PNPLA6: variants seen among roughly 807,000 people sequenced by gnomAD.
The protein encoded by PNPLA6 is patatin-like phospholipase domain-containing protein 6.
Under a neutral mutation model 153.7 loss-of-function variants are expected in PNPLA6, and 105 were observed. The ratio of observed to expected loss-of-function variants is 0.68; its 90% CI spans 0.58 to 0.80. The LOEUF (loss-of-function observed/expected upper bound fraction) is 0.80. Among genes scored for constraint, PNPLA6 ranks in the 30% least tolerant of loss-of-function variants. The probability of loss-of-function intolerance (pLI) is 0.00; values close to 1 mark genes in which losing one functional copy is unlikely to be tolerated. For synonymous variants in PNPLA6, 825 were observed against 822.2 expected (o/e 1.00, Z -0.06); for missense variants, 1,423 against 1,919.3 (o/e 0.74, Z 4.83).
chr19:7,541,208 C>A lies in PNPLA6; in HGVS notation c.925-146C>A. On this transcript the variant is annotated intron_variant, in intron 7 of 31. Transcript: ENST00000600737. The surrounding 1 kb of genome is among the most constrained non-coding windows in gnomAD (Gnocchi z 5.2). ...GATGTCTGCAGCCGCGGACTCCTCC[C>A]TTAGCTGCCTCGCCCCATTTCCCCA... 1.8e-6 allele frequency: 2 copies of A among 1,097,898 alleles called. No homozygotes were observed. The highest frequency in any genetic ancestry group is 2.7e-5 in the South Asian group (2 of 74,730). 68.0% of individuals were successfully genotyped at this position (1,097,898 alleles called of 1,614,324 possible). A position where few individuals can be genotyped will look rare whatever the true frequency, so the allele number is the denominator to read the frequency against.
intron 16 of PNPLA6, 128 bp downstream of exon 16, chr19:7,550,768 C>A: frequency 8.0e-7 from 1 of 1,242,760 alleles, no homozygotes; most frequent in Non-Finnish European, 1.1e-6. Context: ...TCACCCAGTC[C>A]ACTCCCCGCC....
Position 7,555,453 on chromosome 19 carries a change from G to T in PNPLA6, c.2936+86G>T, listed in dbSNP as rs931555539. On this transcript the variant is annotated intron_variant, in intron 23 of 31. Coordinates refer to ENST00000600737, the MANE Select transcript of PNPLA6 (RefSeq NM_001166114.2). This position sits in a 1 kb window ranked among gnomAD's most constrained non-coding sequence, Gnocchi z 6.3. ...GGAGAAACCGTGGGGGCGGGGCCTG[G>T]GTGTTCGAGGGTGGAGCTTCCCCTC... 3 of 1,322,342 alleles carry T rather than the reference G, an allele frequency of 2.3e-6. No homozygotes were observed. Among genetic ancestry groups the T allele is most frequent in the Non-Finnish European group, 3.1e-6 (3 of 953,146 alleles). 81.9% of individuals were successfully genotyped at this position (1,322,342 alleles called of 1,614,324 possible).
chr19:7,547,133 G>C (rs489146), intron 13 of PNPLA6, among the ~76,000 whole-genome samples: 5,243 of 152,254 alleles, frequency 0.034, 109 homozygotes, highest in Middle Eastern at 0.12. Context: ...TTGAACTCCT[G>C]ACCTCAAGTG....
rs1394275867 is a variant in PNPLA6 at position 7,549,893 on chromosome 19, C to T, written c.1609-14C>T. On this transcript the variant is annotated splice_polypyrimidine_tract_variant and intron_variant, in intron 13 of 31. Transcript: ENST00000600737. Reference sequence around the variant, plus strand: ...GTCCGGGTTCTGTGTTCATCACATCCCCTGCCCGCACAGGACGTGAGCCTG... The same window carrying T: ...GTCCGGGTTCTGTGTTCATCACATCTCCTGCCCGCACAGGACGTGAGCCTG... 6.2e-7 allele frequency: 1 copy of T among 1,612,766 alleles called. No individual in the cohort carries two copies. Among genetic ancestry groups the T allele is most frequent in the Middle Eastern group, 1.7e-4 (1 of 6,060 alleles).
In PNPLA6 at chr19:7,536,472, C is replaced by T. The variant is rs373868558; in HGVS notation, c.339C>T (p.Leu113=). Reference sequence around the variant, plus strand: ...AGGTGTCACAATCCACCTCCTCCCTCGTGGATACCTCTGTCTCCGCCACCT... The same window carrying T: ...AGGTGTCACAATCCACCTCCTCCCTTGTGGATACCTCTGTCTCCGCCACCT... ...MRKVSQSTSS[L]VDTSVSATSR... The change falls in exon 3 of 32, where the codon CTC becomes CTT. Residue 113 remains leucine (L), a synonymous_variant. Transcript: ENST00000600737. 1.1e-5 allele frequency: 17 copies of T among 1,613,068 alleles called. No individual in the cohort carries two copies. The highest frequency in any genetic ancestry group is 1.4e-5 in the Non-Finnish European group (16 of 1,178,978).
In PNPLA6 at chr19:7,555,888, C is replaced by A; in HGVS notation, c.3093+125C>A. ...GACCCTTCCTGATTAAATCTATGAT[C>A]CCCAGCTGTCCGGACTTTTATAGAT... On this transcript the variant is annotated intron_variant, in intron 24 of 31. Transcript: ENST00000600737. This position sits in a 1 kb window ranked among gnomAD's most constrained non-coding sequence, Gnocchi z 6.3. The A allele has an allele frequency of 2.0e-6, 2 of 1,015,920 alleles. No homozygotes were observed. Among genetic ancestry groups the A allele is most frequent in the Non-Finnish European group, 3.0e-6 (2 of 669,558 alleles). 62.9% of individuals were successfully genotyped at this position (1,015,920 alleles called of 1,614,324 possible). A position where few individuals can be genotyped will look rare whatever the true frequency, so the allele number is the denominator to read the frequency against.
At chr19:7,548,903 C>T (rs1337315381) in intron 13 of PNPLA6, among the ~76,000 whole-genome samples, 2 of 148,588 alleles carry the variant, frequency 1.3e-5, no homozygotes, top group African/African-American at 5.0e-5. Flanking sequence ...CCCGGGTTCA[C>T]GCCATTTTCC....
chr19:7,560,290 A>G (rs2024046362), intron 28 of PNPLA6, among the ~76,000 whole-genome samples: 1 of 152,202 alleles, frequency 6.6e-6, no homozygotes, highest in Non-Finnish European at 1.5e-5. Context: ...ATAGCATGCC[A>G]TGAGAAATTC....
intron 18 of PNPLA6, among the ~76,000 whole-genome samples, chr19:7,553,349 T>C (rs1336369103): frequency 6.6e-6 from 1 of 152,204 alleles, no homozygotes; most frequent in Non-Finnish European, 1.5e-5. Context: ...CCTCCCAGGT[T>C]CAAGTGATTC....
intron 13 of PNPLA6, among the ~76,000 whole-genome samples, chr19:7,545,187 T>C (rs1478193044): frequency 1.3e-5 from 2 of 152,070 alleles, no homozygotes; most frequent in Non-Finnish European, 2.9e-5. Flanking sequence ...CCACCACGCC[T>C]GGCTAATTTT....
chr19:7,560,945 A>G, intron 29 of PNPLA6, 69 bp from the exon 30 acceptor site: 1 of 942,484 alleles, frequency 1.1e-6, no homozygotes, highest in East Asian at 2.6e-5. Flanking sequence ...CCAATGCACC[A>G]CTGGGCCCCC....
chr19:7,538,060 C>T lies in PNPLA6; in HGVS notation c.413+1514C>T, dbSNP rs143882118. On this transcript the variant is annotated intron_variant, in intron 3 of 31. Transcript: ENST00000600737. ...GAGCTGTCTGTAGTGTTTGCACACT[C>T]TTAAGGGACTACCCTGATATCTTCA... 2.0e-5 allele frequency among the ~76,000 whole-genome samples: 3 copies of T among 152,294 alleles called. No individual in the cohort carries two copies. In the East Asian group the frequency reaches 5.8e-4, roughly 29 times the overall value.
Position 7,556,795 on chromosome 19 carries a change from C to T in PNPLA6, c.3280+71C>T. On this transcript the variant is annotated intron_variant, in intron 26 of 31. Transcript: ENST00000600737. ...GGTTGGGGGGATGCTTCCGGGAGGG[C>T]CGCTGAGCTTCTGGGACGTTGTTAA... 4 of 1,122,682 alleles carry T rather than the reference C, an allele frequency of 3.6e-6. No homozygotes were observed. The South Asian group carries it at 4.9e-5, about 14-fold the overall frequency. 69.5% of individuals were successfully genotyped at this position (1,122,682 alleles called of 1,614,324 possible). A position where few individuals can be genotyped will look rare whatever the true frequency, so the allele number is the denominator to read the frequency against.
intron 12 of PNPLA6, 30 bp downstream of exon 12, chr19:7,542,958 G>A (rs750734717): frequency 5.0e-6 from 8 of 1,613,830 alleles, no homozygotes; most frequent in Admixed American, 1.7e-5. Flanking sequence ...TGGGCACAGG[G>A]CGCAAGGGAG....
Position 7,556,560 on chromosome 19 carries a change from G to A in PNPLA6, c.3201G>A (p.Lys1067=). Residue 1067 remains lysine, a synonymous_variant, in exon 25 of 32, where the codon AAG becomes AAA. Coordinates refer to ENST00000600737, the MANE Select transcript of PNPLA6 (RefSeq NM_001166114.2). ...NRSIHRVFQD[K]QIEDLWLPYF... Reference sequence around the variant, plus strand: ...GCATCCATCGGGTCTTCCAGGATAAGCAGATTGAGGTAGGCCCACCTCATC... The same window carrying A: ...GCATCCATCGGGTCTTCCAGGATAAACAGATTGAGGTAGGCCCACCTCATC... The A allele has an allele frequency of 1.9e-6, 3 of 1,611,430 alleles. No individual in the cohort carries two copies. Among genetic ancestry groups the A allele is most frequent in the Non-Finnish European group, 2.5e-6 (3 of 1,177,626 alleles).
At chr19:7,537,862 G>A (rs765862919) in intron 3 of PNPLA6, among the ~76,000 whole-genome samples, 2 of 152,026 alleles carry the variant, frequency 1.3e-5, no homozygotes, top group Non-Finnish European at 2.9e-5. Flanking sequence ...GGATGGTCTC[G>A]ATCTCTTGAC....
Position 7,554,367 on chromosome 19 carries a change from G to A in PNPLA6, c.2465+95G>A, listed in dbSNP as rs1025105288. 16 of 1,318,394 alleles carry A rather than the reference G, an allele frequency of 1.2e-5. No homozygotes were observed. In the African/African-American group the frequency reaches 1.6e-4, roughly 13 times the overall value. 81.7% of individuals were successfully genotyped at this position (1,318,394 alleles called of 1,614,324 possible). A position where few individuals can be genotyped will look rare whatever the true frequency, so the allele number is the denominator to read the frequency against. On this transcript the variant is annotated intron_variant, in intron 20 of 31. Coordinates refer to ENST00000600737, the MANE Select transcript of PNPLA6 (RefSeq NM_001166114.2). ...GTTCAAGTTCTTGGCTTCCAACCAC[G>A]GAGCCTGCGTCTTACCCATAGGTCA... is the stretch of plus-strand genomic sequence containing the variant.
intron 28 of PNPLA6, among the ~76,000 whole-genome samples, chr19:7,560,178 T>G (rs1351080490): frequency 6.6e-6 from 1 of 151,914 alleles, no homozygotes; most frequent in Non-Finnish European, 1.5e-5. Flanking sequence ...AAGATAAAAA[T>G]AATAAAAATT....
Position 7,540,717 on chromosome 19 carries a change from GA to G in PNPLA6, c.795+8del. The G allele has an allele frequency of 6.2e-7, 1 of 1,611,388 alleles. No individual in the cohort carries two copies. Among genetic ancestry groups the G allele is most frequent in the Non-Finnish European group, 8.5e-7 (1 of 1,177,510 alleles). On this transcript the variant is annotated splice_region_variant and intron_variant, in intron 6 of 31. Coordinates refer to ENST00000600737, the MANE Select transcript of PNPLA6 (RefSeq NM_001166114.2). The surrounding 1 kb of genome is among the most constrained non-coding windows in gnomAD (Gnocchi z 6.8). ...CATCCTGGATGTCATCACCGTGAGT[GA>G]CCAGTTTCTGAGGCAGGGGGGCTGG...
Sources: gnomAD v4.1 joint callset for allele counts (sites outside exome capture counted in the v4.1 genomes callset) on GRCh38, gnomAD v4.1.1 for gene constraint, Gnocchi (gnomAD v3.1) non-coding constraint, MANE v1.5 for transcripts, NCBI Gene and HGNC (gene_info 2026-07-23, HGNC 2026-07-21) for gene names.